Variants in TRPM7 observed in about 807,000 individuals in gnomAD.
TRPM7 encodes transient receptor potential cation channel subfamily M member 7.
TRPM7 carries 134 observed loss-of-function variants against 229.7 expected under a neutral mutation model. The observed-to-expected ratio is 0.58, with a 90% confidence interval of 0.51 to 0.67. TRPM7 has a LOEUF of 0.67. Ranked by LOEUF, TRPM7 falls within the 30% of genes least tolerant of loss-of-function variation. The pLI is 0.00. For synonymous variants in TRPM7, 699 were observed against 715.2 expected (o/e 0.98, Z 0.36); for missense variants, 1,901 against 2,210.0 (o/e 0.86, Z 2.80).
At chr15:50,639,727 C>A (rs556324103) in intron 5 of TRPM7, among the ~76,000 whole-genome samples, 179 bp from the exon 6 acceptor site, 3 of 147,044 alleles carry the variant, frequency 2.0e-5, no homozygotes, top group Non-Finnish European at 4.5e-5. Flanking sequence ...CTAAGACAGC[C>A]GGCTAATTTT....
chr15:50,580,983 CTTT>C, intron 29 of TRPM7, 75 bp from the exon 30 acceptor site: 2 of 1,451,024 alleles, frequency 1.4e-6, no homozygotes, highest in East Asian at 4.7e-5. Flanking sequence ...AACGGTTTAA[CTTT>C]TTTTCTTATA....
At position 50,632,894 on chromosome 15, in the gene TRPM7, A is replaced by G. The variant is rs745535985; in HGVS notation, c.1106T>C (p.Met369Thr). 10 of 1,583,480 alleles carry G rather than the reference A, an allele frequency of 6.3e-6. No individual in the cohort carries two copies. Among genetic ancestry groups the G allele is most frequent in the Middle Eastern group, 1.7e-4 (1 of 5,980 alleles). Residue 369 changes from methionine to threonine, a missense_variant, in exon 9 of 39, where the codon ATG becomes ACG. Physicochemically the swap from Met to Thr is moderately conservative, Grantham distance 81 (BLOSUM62 -1). Around this residue, in one of 8 missense-constraint regions of TRPM7, gnomAD observed 794 missense variants for 881.9 expected, o/e 0.90. Transcript: ENST00000646667. ...NEALHLFQTL[M>T]ECMKRKELIT... ...AAGCTCCTTTCTTTTCATGCACTCC[A>G]TCAGTGTTTGAAATAAATGAAGTGC...
At chr15:50,656,640 A>T (rs1022269961) in intron 3 of TRPM7, among the ~76,000 whole-genome samples, 2 of 151,858 alleles carry the variant, frequency 1.3e-5, no homozygotes, top group Admixed American at 6.6e-5. Context: ...CCAGCCTGTC[A>T]GGTTTTTTGT....
At chr15:50,606,538 G>C (rs1005586527) in intron 20 of TRPM7, among the ~76,000 whole-genome samples, 1 of 151,682 alleles carries the variant, frequency 6.6e-6, no homozygotes, top group Non-Finnish European at 1.5e-5. Context: ...TCACTCTTTC[G>C]CCCAGGCTGG....
rs141774709 is a variant in TRPM7, at chr15:50,651,929, A to G, written c.123-3044T>C. Among the ~76,000 whole-genome samples the G allele has an allele frequency of 3.1e-3, 467 of 152,122 alleles. 2 individuals are homozygous for G. Among genetic ancestry groups the G allele is most frequent in the Middle Eastern group, 0.017 (5 of 294 alleles). ...TAAATAAATAAAATAATAATTTTCT[A>G]AATAAAGGTTTTAAAAATTTCATTT... is the stretch of plus-strand genomic sequence containing the variant. On this transcript the variant is annotated intron_variant, in intron 3 of 38. Coordinates refer to ENST00000646667, the MANE Select transcript of TRPM7 (RefSeq NM_017672.6).
Position 50,583,129 on chromosome 15 carries a change from T to G in TRPM7, c.4517A>C (p.Glu1506Ala). 2.5e-6 allele frequency: 4 copies of G among 1,608,358 alleles called. No individual in the cohort carries two copies. Among genetic ancestry groups the G allele is most frequent in the Non-Finnish European group, 3.4e-6 (4 of 1,178,102 alleles). The change falls in exon 29 of 39, where the codon GAA becomes GCA. Residue 1506 changes from glutamate (E) to alanine (A), a missense_variant. By Grantham distance (107) the Glu-to-Ala change is moderately radical. This residue lies in a region of TRPM7 where 533 missense variants were observed against 497.1 expected (regional missense o/e 1.07). Transcript: ENST00000646667. ...AEKISRRPST[E>A]DTHEVDSKAA... The stretch of plus-strand genomic sequence containing the variant: ...TTTGGAATCTACTTCATGAGTGTCT[T>G]CGGTAGATGGCCTTCTACTGATTTT...
rs767680827 is a variant in TRPM7, at chr15:50,592,427, T to G, written c.3808A>C (p.Ile1270Leu). The change falls in exon 26 of 39, where the codon ATT becomes CTT. Residue 1270 changes from isoleucine to leucine, a missense_variant. Coordinates refer to ENST00000646667, the MANE Select transcript of TRPM7 (RefSeq NM_017672.6). ...VHNEITRELS[I>L]SKHLAQNLID... Reference sequence around the variant, plus strand: ...AGGTTTTGAGCCAAGTGTTTGGAAATGCTCAGTTCTCGTGTGATTTCATTA... The same window carrying G: ...AGGTTTTGAGCCAAGTGTTTGGAAAGGCTCAGTTCTCGTGTGATTTCATTA... The G allele has an allele frequency of 2.5e-6, 4 of 1,614,212 alleles. No homozygotes were observed. Among genetic ancestry groups the G allele is most frequent in the Non-Finnish European group, 3.4e-6 (4 of 1,180,036 alleles).
At chr15:50,632,569 C>G (rs1213304348) in intron 9 of TRPM7, among the ~76,000 whole-genome samples, 1 of 152,110 alleles carries the variant, frequency 6.6e-6, no homozygotes, top group Non-Finnish European at 1.5e-5. Context: ...CCATTAACAA[C>G]TCTTTATAGT....
intron 1 of TRPM7, among the ~76,000 whole-genome samples, chr15:50,685,843 T>C (rs190342137): frequency 2.0e-5 from 3 of 152,292 alleles, no homozygotes; most frequent in East Asian, 3.9e-4. Flanking sequence ...GGGCAAGGGA[T>C]GCGGTAGTTC....
chr15:50,647,856 A>G (rs2061313519), intron 4 of TRPM7, among the ~76,000 whole-genome samples: 1 of 152,252 alleles, frequency 6.6e-6, no homozygotes, highest in Middle Eastern at 3.2e-3. Flanking sequence ...CATTGAGCCT[A>G]TACTAAACAT....
intron 28 of TRPM7, among the ~76,000 whole-genome samples, chr15:50,584,965 T>A (rs2054615397): frequency 6.6e-6 from 1 of 152,114 alleles, no homozygotes; most frequent in Admixed American, 6.5e-5. Flanking sequence ...AACCTCCATC[T>A]CCTGGGTTCA....
At chr15:50,646,934 C>T (rs920903926) in intron 4 of TRPM7, among the ~76,000 whole-genome samples, 6 of 152,150 alleles carry the variant, frequency 3.9e-5, no homozygotes, top group African/African-American at 1.4e-4. Flanking sequence ...TAGAGGTTTA[C>T]AGCCTAAAAG....
intron 24 of TRPM7, 149 bp from the exon 25 acceptor site, chr15:50,593,898 G>C (rs902220051): frequency 8.1e-6 from 6 of 740,976 alleles, no homozygotes; most frequent in Non-Finnish European, 1.3e-5. Flanking sequence ...TAAAGCACTA[G>C]ACAATTATCT....
intron 12 of TRPM7, among the ~76,000 whole-genome samples, chr15:50,623,770 T>A (rs2060484213): frequency 6.7e-6 from 1 of 149,296 alleles, no homozygotes; most frequent in South Asian, 2.1e-4. Context: ...GGGTATACCA[T>A]GAGGTCAAAC....
chr15:50,576,560 C>T (rs1376586245), intron 31 of TRPM7, among the ~76,000 whole-genome samples: 1 of 151,924 alleles, frequency 6.6e-6, no homozygotes, highest in Non-Finnish European at 1.5e-5. Context: ...TATAGGAGTA[C>T]CTAATGCCTT....
In TRPM7 at chr15:50,570,171, T is replaced by C. The variant is rs893981841; in HGVS notation, c.5309-16A>G. On this transcript the variant is annotated splice_polypyrimidine_tract_variant and intron_variant, in intron 36 of 38. Coordinates refer to ENST00000646667, the MANE Select transcript of TRPM7 (RefSeq NM_017672.6). ...TCACCAACACCTTTATATGTGTATA[T>C]AAAAAAGACAAATAATTTATATTAT... 3.9e-6 allele frequency: 6 copies of C among 1,558,266 alleles called. No homozygotes were observed. In the African/African-American group the frequency reaches 4.1e-5, roughly 11 times the overall value.
Position 50,611,325 on chromosome 15 carries a change from T to C in TRPM7, c.2052-4A>G, listed in dbSNP as rs1303462376. 3 of 1,608,614 alleles carry C rather than the reference T, an allele frequency of 1.9e-6. No homozygotes were observed. The highest frequency in any genetic ancestry group is 1.3e-5 in the African/African-American group (1 of 74,768). ...AACGGCCAACTGACCAAAATCACTATAAAAAGATAAAAGCCAAAATATACT... is the reference window on the plus strand; with the variant it reads ...AACGGCCAACTGACCAAAATCACTACAAAAAGATAAAAGCCAAAATATACT... On this transcript the variant is annotated splice_polypyrimidine_tract_variant and splice_region_variant and intron_variant, in intron 16 of 38. Coordinates refer to ENST00000646667, the MANE Select transcript of TRPM7 (RefSeq NM_017672.6).
intron 8 of TRPM7, 45 bp from the exon 9 acceptor site, chr15:50,633,037 T>C: frequency 1.3e-6 from 2 of 1,541,864 alleles, no homozygotes; most frequent in Non-Finnish European, 8.7e-7. Flanking sequence ...TCTTCCATTA[T>C]TTGTAGGATC....
intron 2 of TRPM7, among the ~76,000 whole-genome samples, chr15:50,659,825 G>A (rs538669657): frequency 8.6e-5 from 13 of 151,990 alleles, no homozygotes; most frequent in Middle Eastern, 3.4e-3. Flanking sequence ...CCACCACCAC[G>A]CCCAGCTAGT....
Sources: allele counts gnomAD v4.1 joint callset (sites outside exome capture counted in the v4.1 genomes callset), GRCh38; gene constraint gnomAD v4.1.1; regional missense constraint gnomAD v4.1.1; transcripts MANE v1.5; gene names NCBI Gene and HGNC (gene_info 2026-07-23, HGNC 2026-07-21).